Variants in WDR25 observed in about 807,000 individuals in gnomAD.
The protein encoded by WDR25 is WD repeat-containing protein 25.
A neutral mutation model predicts 47.7 loss-of-function variants in WDR25; 35 were observed. The observed-to-expected ratio is 0.73, with a 90% CI of 0.56 to 0.97. WDR25 has a LOEUF of 0.97. WDR25 is among the 50% of genes least tolerant of loss of function. The pLI is 0.00. For missense variants in WDR25, 634 were observed against 704.7 expected, an observed-to-expected ratio of 0.90 and a Z score of 1.14; for synonymous variants, 248 against 278.9, an observed-to-expected ratio of 0.89 and a Z score of 1.10.
In WDR25 at chr14:100,484,124, G is replaced by A. The variant is rs758216375; in HGVS notation, c.1101G>A (p.Lys367=). 1 of 1,608,692 alleles carries A rather than the reference G, an allele frequency of 6.2e-7. No homozygotes were observed. Among genetic ancestry groups the A allele is most frequent in the Non-Finnish European group, 8.5e-7 (1 of 1,178,430 alleles). ...EMKAWDIRTG[K]VMRSYKATIQ... is the part of the protein sequence containing the mutation. Reference sequence around the variant, plus strand: ...AAGCTTGGGATATAAGGACTGGCAAGGTAATAGCCATATTCCTAACTTGGC... The same window carrying A: ...AAGCTTGGGATATAAGGACTGGCAAAGTAATAGCCATATTCCTAACTTGGC... The change falls in exon 4 of 7, where the codon AAG becomes AAA. Residue 367 remains lysine (K), a splice_region_variant and synonymous_variant. Transcript: ENST00000402312.
At chr14:100,421,669 A>G (rs1595522154) in intron 2 of WDR25, among the ~76,000 whole-genome samples, 1 of 152,140 alleles carries the variant, frequency 6.6e-6, no homozygotes, top group Non-Finnish European at 1.5e-5. Flanking sequence ...CTAAAACCCT[A>G]CTTCATTCCC....
In WDR25 at chr14:100,525,855, T is replaced by C. The variant is rs1350519740; in HGVS notation, c.1102-15T>C. 2 of 1,612,064 alleles carry C rather than the reference T, an allele frequency of 1.2e-6. No individual in the cohort carries two copies. Among genetic ancestry groups the C allele is most frequent in the South Asian group, 2.2e-5 (2 of 91,038 alleles). ...CTGCCAGGCCTGCCAGCATGACCGG[T>C]GTCCGCTCTTGCAGGTGATGAGAAG... On this transcript the variant is annotated splice_polypyrimidine_tract_variant and intron_variant, in intron 4 of 6. Transcript: ENST00000402312. The surrounding 1 kb of genome is among the most constrained non-coding windows in gnomAD (Gnocchi z 4.6).
chr14:100,528,654 C>T lies in WDR25; in HGVS notation c.1273-414C>T, dbSNP rs571001026. 6.2e-4 allele frequency among the ~76,000 whole-genome samples: 95 copies of T among 152,218 alleles called. No homozygotes were observed. In the South Asian group the frequency reaches 0.019, roughly 31 times the overall value. Reference sequence around the variant, plus strand: ...CTTATCTCAGAATCCTTAGTTATGTCTGCAGAGACCCTTGGTTTTGACCCT... The same window carrying T: ...CTTATCTCAGAATCCTTAGTTATGTTTGCAGAGACCCTTGGTTTTGACCCT... On this transcript the variant is annotated intron_variant, in intron 5 of 6. Coordinates refer to ENST00000402312, the MANE Select transcript of WDR25 (RefSeq NM_001161476.3).
chr14:100,491,238 G>A (rs1757124754), intron 4 of WDR25, among the ~76,000 whole-genome samples: 1 of 152,224 alleles, frequency 6.6e-6, no homozygotes, highest in African/African-American at 2.4e-5. Flanking sequence ...CCTGAGGCTC[G>A]GAAGGGCTCA....
At chr14:100,505,114 C>T (rs1430266160) in intron 4 of WDR25, among the ~76,000 whole-genome samples, 2 of 152,072 alleles carry the variant, frequency 1.3e-5, no homozygotes, top group African/African-American at 4.8e-5. Flanking sequence ...ATTATTTTCT[C>T]CTATTACATA....
intron 2 of WDR25, among the ~76,000 whole-genome samples, chr14:100,429,807 G>A (rs1346113869): frequency 6.6e-6 from 1 of 152,050 alleles, no homozygotes; most frequent in African/African-American, 2.4e-5. Context: ...CGTGCTGCTG[G>A]GGTGGGGCGG....
rs912389323 is a variant in WDR25, at chr14:100,407,745, C to G, written c.822+25999C>G. Reference sequence around the variant, plus strand: ...TCACACTTCAGTGCCTAAACAGGCCCTGACACCCAGTTTGGCTAGGTTGAG... The same window carrying G: ...TCACACTTCAGTGCCTAAACAGGCCGTGACACCCAGTTTGGCTAGGTTGAG... On this transcript the variant is annotated intron_variant, in intron 2 of 6. Coordinates refer to ENST00000402312, the MANE Select transcript of WDR25 (RefSeq NM_001161476.3). This position sits in a 1 kb window ranked among gnomAD's most constrained non-coding sequence, Gnocchi z 4.1. 9 of 152,218 alleles carry G rather than the reference C, an allele frequency of 5.9e-5. No homozygotes were observed. Among genetic ancestry groups the G allele is most frequent in the African/African-American group, 2.2e-4 (9 of 41,434 alleles). The allele number at this position is 152,218 out of a possible 1,614,324, so 9.4% of individuals were successfully genotyped here.
chr14:100,497,543 C>T (rs560078772), intron 4 of WDR25, among the ~76,000 whole-genome samples: 4 of 152,298 alleles, frequency 2.6e-5, no homozygotes, highest in Non-Finnish European at 4.4e-5. Context: ...AGTCACTTCT[C>T]TGAGTTTCTG....
At position 100,381,462 on chromosome 14, in the gene WDR25, A is replaced by G. The variant is rs142235833; in HGVS notation, c.538A>G (p.Arg180Gly). Residue 180 changes from arginine (R) to glycine (G), a missense_variant, in exon 2 of 7, where the codon AGA (arginine) becomes GGA (glycine). Coordinates refer to ENST00000402312, the MANE Select transcript of WDR25 (RefSeq NM_001161476.3). ...EDCVVPYTPRRLRQRQALSTE... is the reference protein window; with the variant it reads ...EDCVVPYTPRGLRQRQALSTE... ...CTGTGTGGTACCCTATACTCCCAGA[A>G]GACTAAGACAGCGGCAGGCATTAAG... 1.4e-5 allele frequency: 23 copies of G among 1,614,214 alleles called. No homozygotes were observed. The African/African-American group carries it at 2.9e-4, about 21-fold the overall frequency.
At chr14:100,465,564 A>G (rs971060235) in intron 2 of WDR25, among the ~76,000 whole-genome samples, 4 of 152,244 alleles carry the variant, frequency 2.6e-5, no homozygotes, top group Non-Finnish European at 4.4e-5. Context: ...GCTGAATACT[A>G]TTCCACTGTA....
chr14:100,493,679 T>A (rs1193246552), intron 4 of WDR25, among the ~76,000 whole-genome samples: 1 of 152,216 alleles, frequency 6.6e-6, no homozygotes, highest in Admixed American at 6.5e-5. Flanking sequence ...TCACTTTTGA[T>A]GTTGTACATT....
At chr14:100,439,380 A>G (rs1314648935) in intron 2 of WDR25, among the ~76,000 whole-genome samples, 2 of 152,210 alleles carry the variant, frequency 1.3e-5, no homozygotes, top group African/African-American at 4.8e-5. Flanking sequence ...CAGGTGACTC[A>G]TCTGATGGCA....
rs59166793 is a variant in WDR25, at chr14:100,453,415, T to C, written c.823-14606T>C. On this transcript the variant is annotated intron_variant, in intron 2 of 6. Coordinates refer to ENST00000402312, the MANE Select transcript of WDR25 (RefSeq NM_001161476.3). Reference sequence around the variant, plus strand: ...AAAACAGACCTAATTTTCTACTTCATAGGGCTGTGGAGAGGATTGAGTTAA... The same window carrying C: ...AAAACAGACCTAATTTTCTACTTCACAGGGCTGTGGAGAGGATTGAGTTAA... Among the ~76,000 whole-genome samples, 751 of 152,332 alleles carry C rather than the reference T, an allele frequency of 4.9e-3. 10 individuals are homozygous for C. The highest frequency in any genetic ancestry group is 0.017 in the African/African-American group (705 of 41,564).
chr14:100,443,398 C>A (rs1898727745), intron 2 of WDR25, among the ~76,000 whole-genome samples: 1 of 150,552 alleles, frequency 6.6e-6, no homozygotes, highest in African/African-American at 2.5e-5. Flanking sequence ...CTGGAAAAGC[C>A]ACCGACTGAA....
chr14:100,392,660 G>A lies in WDR25; in HGVS notation c.822+10914G>A, dbSNP rs549422067. Among the ~76,000 whole-genome samples the A allele has an allele frequency of 2.6e-5, 4 of 152,098 alleles. No homozygotes were observed. Among genetic ancestry groups the A allele is most frequent in the East Asian group, 3.9e-4 (2 of 5,170 alleles). ...TTAACATTCTCTCCCAGCCCTGCCC[G>A]CGCCACACTGTGCCACCAGCCGCCT... On this transcript the variant is annotated intron_variant, in intron 2 of 6. Transcript: ENST00000402312. The surrounding 1 kb of genome is among the most constrained non-coding windows in gnomAD (Gnocchi z 4.2).
At chr14:100,385,374 G>T (rs892404540) in intron 2 of WDR25, among the ~76,000 whole-genome samples, 1 of 152,198 alleles carries the variant, frequency 6.6e-6, no homozygotes, top group African/African-American at 2.4e-5. Flanking sequence ...CTTCTAGAAT[G>T]TGGAAGAATC....
intron 4 of WDR25, among the ~76,000 whole-genome samples, chr14:100,501,872 G>T (rs1205403146): frequency 2.0e-5 from 3 of 152,200 alleles, no homozygotes; most frequent in African/African-American, 7.2e-5. Flanking sequence ...CTTGGAGGAG[G>T]ATGCTGGGAA....
chr14:100,503,381 G>A (rs1403485789), intron 4 of WDR25, among the ~76,000 whole-genome samples: 2 of 152,176 alleles, frequency 1.3e-5, no homozygotes, highest in South Asian at 2.1e-4. Context: ...CCTCATTAAG[G>A]AGTGTTAAAT....
intron 4 of WDR25, among the ~76,000 whole-genome samples, chr14:100,522,648 C>T (rs973322387): frequency 1.8e-4 from 28 of 152,210 alleles, no homozygotes; most frequent in African/African-American, 6.5e-4. Context: ...TTTAGCTGGG[C>T]ACAGCACCCT....
Sources: allele counts gnomAD v4.1 joint callset (sites outside exome capture counted in the v4.1 genomes callset), GRCh38; gene constraint gnomAD v4.1.1; non-coding constraint Gnocchi (gnomAD v3.1); transcripts MANE v1.5; gene names NCBI Gene and HGNC (gene_info 2026-07-23, HGNC 2026-07-21).